Variants in PRKN observed in about 807,000 individuals in gnomAD.
PRKN encodes parkin RBR E3 ubiquitin protein ligase.
PRKN carries 56 observed loss-of-function variants against 59.5 expected under a neutral mutation model. The ratio of observed to expected loss-of-function variants is 0.94; its 90% CI spans 0.76 to 1.18. PRKN has a LOEUF of 1.18. Ranked by LOEUF, PRKN falls within the 50% of genes most tolerant of loss-of-function variation. PRKN has a pLI of 0.00. For synonymous variants in PRKN, 250 were observed against 222.1 expected (o/e 1.13, Z -1.12); for missense variants, 657 against 596.4 (o/e 1.10, Z -1.06).
rs183941389 is a variant in PRKN, at chr6:161,941,921, C to T, written c.734+31381G>A. Reference sequence around the variant, plus strand: ...ACAATTTTAGGGTAAAATAGAAATACGTTATTAATGAAGCAGGAGGTGGGT... The same window carrying T: ...ACAATTTTAGGGTAAAATAGAAATATGTTATTAATGAAGCAGGAGGTGGGT... On this transcript the variant is annotated intron_variant, in intron 6 of 11. Coordinates refer to ENST00000366898, the MANE Select transcript of PRKN (RefSeq NM_004562.3). 4.1e-4 allele frequency among the ~76,000 whole-genome samples: 62 copies of T among 152,234 alleles called. 1 individual carries two copies. The highest frequency in any genetic ancestry group is 6.8e-3 in the Middle Eastern group (2 of 294).
At chr6:161,676,968 G>T (rs1785110936) in intron 7 of PRKN, among the ~76,000 whole-genome samples, 1 of 152,214 alleles carries the variant, frequency 6.6e-6, no homozygotes, top group African/African-American at 2.4e-5. Flanking sequence ...CTTTCATCAT[G>T]TTCAAGGAGA....
At chr6:161,611,544 ATTGT>A (rs1284161692) in intron 7 of PRKN, among the ~76,000 whole-genome samples, 1 of 152,114 alleles carries the variant, frequency 6.6e-6, no homozygotes, top group Non-Finnish European at 1.5e-5. Flanking sequence ...TACCATTGTG[ATTGT>A]TTGGGAGCAC....
chr6:161,438,219 T>A (rs987758881), intron 9 of PRKN, among the ~76,000 whole-genome samples: 6 of 142,996 alleles, frequency 4.2e-5, no homozygotes, highest in African/African-American at 1.6e-4. Flanking sequence ...CTGTTAATTT[T>A]TTTTTTTTTT....
chr6:161,920,948 A>G (rs1778763608), intron 6 of PRKN, among the ~76,000 whole-genome samples: 1 of 152,178 alleles, frequency 6.6e-6, no homozygotes, highest in Non-Finnish European at 1.5e-5. Context: ...CATCTAGGTT[A>G]CACTAAATGT....
At chr6:161,796,788 T>C (rs191702559) in intron 6 of PRKN, among the ~76,000 whole-genome samples, 14 of 152,316 alleles carry the variant, frequency 9.2e-5, no homozygotes, top group Admixed American at 8.5e-4. Context: ...TCATATCATT[T>C]GCACAGAGCT....
intron 2 of PRKN, among the ~76,000 whole-genome samples, chr6:162,308,569 A>G (rs1008515777): frequency 1.3e-5 from 2 of 152,134 alleles, no homozygotes; most frequent in Admixed American, 6.5e-5. Flanking sequence ...TTCTGTTTTG[A>G]TATTAGTCTA....
intron 1 of PRKN, among the ~76,000 whole-genome samples, chr6:162,484,054 T>C (rs934417283): frequency 4.6e-5 from 7 of 152,324 alleles, no homozygotes; most frequent in Middle Eastern, 3.4e-3. Context: ...AAGATATATA[T>C]GGTTGTCTAT....
intron 7 of PRKN, among the ~76,000 whole-genome samples, chr6:161,621,560 G>C (rs1054173708): frequency 6.6e-6 from 1 of 151,982 alleles, no homozygotes; most frequent in Admixed American, 6.6e-5. Context: ...AATGGGGCCC[G>C]TCCACATTAA....
At chr6:162,594,081 T>C (rs573786134) in intron 1 of PRKN, among the ~76,000 whole-genome samples, 1 of 151,750 alleles carries the variant, frequency 6.6e-6, no homozygotes, top group East Asian at 1.9e-4. Flanking sequence ...ACCTAGGAGG[T>C]GGAAGTTGCG....
chr6:161,895,778 G>A (rs752061673), intron 6 of PRKN, among the ~76,000 whole-genome samples: 7 of 152,118 alleles, frequency 4.6e-5, no homozygotes, highest in Non-Finnish European at 1.0e-4. Context: ...GCCTATGAGT[G>A]CCTCAGTAAA....
At chr6:161,637,169 GT>G (rs1483611753) in intron 7 of PRKN, among the ~76,000 whole-genome samples, 1 of 152,156 alleles carries the variant, frequency 6.6e-6, no homozygotes, top group East Asian at 1.9e-4. Flanking sequence ...AGGATCTGAG[GT>G]TTTTCTAAGG....
At chr6:161,726,733 A>C (rs184522003) in intron 7 of PRKN, among the ~76,000 whole-genome samples, 7 of 152,362 alleles carry the variant, frequency 4.6e-5, no homozygotes, top group Admixed American at 1.3e-4. Flanking sequence ...TAAACATGGA[A>C]GAAAAAAAGA....
intron 7 of PRKN, among the ~76,000 whole-genome samples, chr6:161,758,628 G>C (rs1789053513): frequency 6.6e-6 from 1 of 152,080 alleles, no homozygotes; most frequent in Non-Finnish European, 1.5e-5. Flanking sequence ...TTATCAAATG[G>C]TACATTTTAA....
chr6:162,675,188 C>T (rs1023832651), intron 1 of PRKN, among the ~76,000 whole-genome samples: 1 of 151,984 alleles, frequency 6.6e-6, no homozygotes, highest in African/African-American at 2.4e-5. Flanking sequence ...GCTGGGATTA[C>T]AGGCACGCAC....
At chr6:161,656,560 C>G (rs1784359386) in intron 7 of PRKN, among the ~76,000 whole-genome samples, 1 of 152,150 alleles carries the variant, frequency 6.6e-6, no homozygotes. Context: ...GTGGAACATG[C>G]CTACTGGTTC....
chr6:162,008,461 A>T (rs538488424), intron 5 of PRKN, among the ~76,000 whole-genome samples: 5 of 152,312 alleles, frequency 3.3e-5, no homozygotes, highest in African/African-American at 9.6e-5. Context: ...TACTCAAGCC[A>T]AGGCTGAGAA....
intron 2 of PRKN, among the ~76,000 whole-genome samples, chr6:162,265,431 C>T (rs754517169): frequency 4.6e-5 from 7 of 152,160 alleles, no homozygotes; most frequent in Non-Finnish European, 1.0e-4. Flanking sequence ...TAGCTCACCC[C>T]TATAATCCAA....
chr6:162,438,461 G>A lies in PRKN; in HGVS notation c.171+4849C>T, dbSNP rs530218167. On this transcript the variant is annotated intron_variant, in intron 2 of 11. Transcript: ENST00000366898. Reference sequence around the variant, plus strand: ...AAATTTCTTTAGCCATTCTTTTAGGGTAGGTCTGCTGGTGACAAATTCGCT... The same window carrying A: ...AAATTTCTTTAGCCATTCTTTTAGGATAGGTCTGCTGGTGACAAATTCGCT... 2.0e-5 allele frequency among the ~76,000 whole-genome samples: 3 copies of A among 151,736 alleles called. No homozygotes were observed. The South Asian group carries it at 6.3e-4, about 32-fold the overall frequency.
At chr6:162,107,460 G>C (rs1167400286) in intron 4 of PRKN, among the ~76,000 whole-genome samples, 1 of 152,166 alleles carries the variant, frequency 6.6e-6, no homozygotes, top group Non-Finnish European at 1.5e-5. Flanking sequence ...GCGAGACTCT[G>C]TCTCAAAATA....
Sources: gnomAD v4.1 joint callset for allele counts (sites outside exome capture counted in the v4.1 genomes callset) on GRCh38, gnomAD v4.1.1 for gene constraint, MANE v1.5 for transcripts, NCBI Gene and HGNC (gene_info 2026-07-23, HGNC 2026-07-21) for gene names.